The following TAS2R1 variants were observed in gnomAD, a reference collection of about 807,000 sequenced individuals.
TAS2R1 encodes taste 2 receptor member 1, also known as taste receptor type 2 member 1.
For synonymous variants in TAS2R1, 141 were observed against 134.2 expected (o/e 1.05, Z -0.35); for missense variants, 370 against 353.4 (o/e 1.05, Z -0.38).
intron 1 of TAS2R1, among the ~76,000 whole-genome samples, chr5:9,698,546 T>C (rs1741411294): frequency 6.6e-6 from 1 of 152,156 alleles, no homozygotes; most frequent in Admixed American, 6.6e-5. Flanking sequence ...TGAGACAAAT[T>C]TTCCCACTGA....
At chr5:9,691,414 C>G (rs555034677) in intron 1 of TAS2R1, among the ~76,000 whole-genome samples, 19 of 152,386 alleles carry the variant, frequency 1.2e-4, no homozygotes, top group South Asian at 1.0e-3. Flanking sequence ...TTCTGTTGTT[C>G]TAAGCCACCA....
chr5:9,736,174 C>A, the TAS2R1 span, among the ~76,000 whole-genome samples: 1 of 152,230 alleles, frequency 6.6e-6, no homozygotes, highest in East Asian at 1.9e-4. Context: ...GAAACCCAAA[C>A]CCCTGCCTAG....
the TAS2R1 span, among the ~76,000 whole-genome samples, chr5:9,728,275 C>T: frequency 3.9e-5 from 6 of 152,172 alleles, no homozygotes; most frequent in Non-Finnish European, 8.8e-5. Context: ...ATATTGCCTG[C>T]AATACACAAA....
the TAS2R1 span, among the ~76,000 whole-genome samples, chr5:9,725,278 C>T: frequency 6.6e-6 from 1 of 152,236 alleles, no homozygotes; most frequent in Non-Finnish European, 1.5e-5. Context: ...AGGCCGGAGC[C>T]GGCTTCCTCA....
At chr5:9,828,403 G>A in the TAS2R1 span, among the ~76,000 whole-genome samples, 1 of 152,308 alleles carries the variant, frequency 6.6e-6, no homozygotes, top group Admixed American at 6.5e-5. Flanking sequence ...TGGGATTACA[G>A]ACATGAGTCA....
the TAS2R1 span, among the ~76,000 whole-genome samples, chr5:9,848,243 T>A: frequency 6.6e-6 from 1 of 152,188 alleles, no homozygotes; most frequent in Non-Finnish European, 1.5e-5. Flanking sequence ...CAAAGACCCA[T>A]CTCAGCAACG....
At chr5:9,633,800 T>C (rs1011329953), upstream of TAS2R1, among the ~76,000 whole-genome samples, 1 of 152,134 alleles carries the variant, frequency 6.6e-6, no homozygotes, top group Non-Finnish European at 1.5e-5. Context: ...TATTGGTTTT[T>C]TTTTCTTGCT....
intron 2 of TAS2R1, among the ~76,000 whole-genome samples, chr5:9,652,505 G>A (rs1740327469): frequency 6.6e-6 from 1 of 152,168 alleles, no homozygotes; most frequent in Non-Finnish European, 1.5e-5. Flanking sequence ...GGAGCTATAG[G>A]GAGGGGGAGC....
chr5:9,843,831 T>C, the TAS2R1 span, among the ~76,000 whole-genome samples: 1 of 152,188 alleles, frequency 6.6e-6, no homozygotes, highest in South Asian at 2.1e-4. Context: ...TGGGCTACAT[T>C]CTCAACTGAA....
chr5:9,840,876 TTTTTTTTTTTTTTTTTTG>T, the TAS2R1 span, among the ~76,000 whole-genome samples: 11 of 72,874 alleles, frequency 1.5e-4, no homozygotes, highest in Admixed American at 4.1e-4. Context: ...TTTTTTTTTT[TTTTTTTTTTTTTTTTTTG>T]AGATGGAGTC....
At chr5:9,725,792 T>G in the TAS2R1 span, among the ~76,000 whole-genome samples, 1 of 152,226 alleles carries the variant, frequency 6.6e-6, no homozygotes, top group Non-Finnish European at 1.5e-5. Flanking sequence ...GCTGGGCTCC[T>G]GCGTCTGGTG....
At chr5:9,704,236 T>C (rs1741553920) in intron 1 of TAS2R1, among the ~76,000 whole-genome samples, 1 of 152,188 alleles carries the variant, frequency 6.6e-6, no homozygotes, top group Non-Finnish European at 1.5e-5. Flanking sequence ...TTTTGTTTTA[T>C]GTTATGTTCT....
the TAS2R1 span, among the ~76,000 whole-genome samples, chr5:9,823,782 A>T: frequency 7.4e-4 from 113 of 152,292 alleles, no homozygotes; most frequent in African/African-American, 2.5e-3. Flanking sequence ...CTTTGGGTAC[A>T]GTTTCAACCC....
chr5:9,762,538 T>C, the TAS2R1 span, among the ~76,000 whole-genome samples: 1 of 152,220 alleles, frequency 6.6e-6, no homozygotes, highest in Admixed American at 6.5e-5. Context: ...TGTTCAAGTA[T>C]TGCGTGTCAC....
At chr5:9,775,770 T>C in the TAS2R1 span, among the ~76,000 whole-genome samples, 2 of 152,218 alleles carry the variant, frequency 1.3e-5, no homozygotes, top group Admixed American at 6.5e-5. Flanking sequence ...CTCAGGACTC[T>C]GTTGGGTGCC....
the TAS2R1 span, among the ~76,000 whole-genome samples, chr5:9,779,611 T>C: frequency 6.6e-6 from 1 of 152,178 alleles, no homozygotes; most frequent in Admixed American, 6.5e-5. Flanking sequence ...AACACACACA[T>C]TTATTGCTTA....
the TAS2R1 span, among the ~76,000 whole-genome samples, chr5:9,717,688 G>GAA: frequency 2.0e-5 from 3 of 151,112 alleles, no homozygotes; most frequent in South Asian, 2.1e-4. Context: ...AGGAAAAGAT[G>GAA]AAAAAAAAGA....
the TAS2R1 span, among the ~76,000 whole-genome samples, chr5:9,842,659 A>G: frequency 2.0e-5 from 3 of 152,134 alleles, no homozygotes; most frequent in African/African-American, 7.2e-5. Flanking sequence ...CCACCCAGCT[A>G]CTAAGCTGAT....
At chr5:9,716,544 AT>A (rs398108593), upstream of TAS2R1, among the ~76,000 whole-genome samples, 1 of 58,830 alleles carries the variant, frequency 1.7e-5, no homozygotes, top group Non-Finnish European at 3.6e-5. Flanking sequence ...CAGTACATAT[AT>A]TATATATATA....
Sources: allele counts gnomAD v4.1 joint callset (sites outside exome capture counted in the v4.1 genomes callset), GRCh38; gene constraint gnomAD v4.1.1; transcripts MANE v1.5; gene names NCBI Gene and HGNC (gene_info 2026-07-23, HGNC 2026-07-21).